The following ADARB2 variants were observed in gnomAD, a reference collection of about 807,000 sequenced individuals.
ADARB2 encodes the protein adenosine deaminase RNA specific B2 (inactive).
In ADARB2, 25 loss-of-function variants were observed where a neutral mutation model predicts 62.2. That is an observed-to-expected ratio of 0.40 (90% CI 0.29 to 0.56). The LOEUF (loss-of-function observed/expected upper bound fraction) is 0.56. ADARB2 is among the 20% of genes least tolerant of loss of function. ADARB2 has a pLI of 0.43. For missense variants in ADARB2, 1,071 were observed against 1,077.4 expected (o/e 0.99, Z 0.08); for synonymous variants, 572 against 500.8 (o/e 1.14, Z -1.90).
At chr10:1,263,455 C>T (rs1359374989) in intron 4 of ADARB2, among the ~76,000 whole-genome samples, 1 of 152,052 alleles carries the variant, frequency 6.6e-6, no homozygotes, top group Admixed American at 6.5e-5. Flanking sequence ...TCAAAGAGAC[C>T]AGAATAAAAT....
At chr10:1,186,847 G>A (rs980117006) in intron 8 of ADARB2, among the ~76,000 whole-genome samples, 24 of 152,332 alleles carry the variant, frequency 1.6e-4, no homozygotes, top group Middle Eastern at 3.4e-3. Context: ...GTGGGTTCCC[G>A]CCATAGCAGA....
chr10:1,726,361 A>AAT (rs1564205801), intron 1 of ADARB2, among the ~76,000 whole-genome samples: 2 of 151,924 alleles, frequency 1.3e-5, no homozygotes, highest in Non-Finnish European at 2.9e-5. Flanking sequence ...AAAGTTATCT[A>AAT]ATAAGATAAG....
intron 3 of ADARB2, among the ~76,000 whole-genome samples, chr10:1,309,025 A>C (rs892556599): frequency 2.0e-5 from 3 of 152,226 alleles, no homozygotes; most frequent in African/African-American, 7.2e-5. Flanking sequence ...TTTTTTTATA[A>C]AATTCAGTTC....
intron 1 of ADARB2, among the ~76,000 whole-genome samples, chr10:1,599,648 G>A (rs1833382343): frequency 6.6e-6 from 1 of 152,252 alleles, no homozygotes; most frequent in Non-Finnish European, 1.5e-5. Flanking sequence ...CAGAAAGACA[G>A]ATTGTGAAGT....
At position 1,467,393 on chromosome 10, in the gene ADARB2, C is replaced by T. The variant is rs148358196; in HGVS notation, c.101-88233G>A. Among the ~76,000 whole-genome samples, 19 of 152,286 alleles carry T rather than the reference C, an allele frequency of 1.2e-4. No homozygotes were observed. The South Asian group carries it at 1.9e-3, about 15-fold the overall frequency. On this transcript the variant is annotated intron_variant, in intron 1 of 9. Coordinates refer to ENST00000381312, the MANE Select transcript of ADARB2 (RefSeq NM_018702.4). Reference sequence around the variant, plus strand: ...AATTAAGCCACTGCACGGCTTCATGCGAAACCCTTCTCCCTCCCCATCTCC... The same window carrying T: ...AATTAAGCCACTGCACGGCTTCATGTGAAACCCTTCTCCCTCCCCATCTCC...
At chr10:1,274,107 T>C (rs1446396660) in intron 3 of ADARB2, among the ~76,000 whole-genome samples, 3 of 152,156 alleles carry the variant, frequency 2.0e-5, no homozygotes, top group Non-Finnish European at 2.9e-5. Context: ...TAGGAGAGCT[T>C]CCCTTTCTCA....
intron 1 of ADARB2, among the ~76,000 whole-genome samples, chr10:1,647,731 T>C (rs11596285): frequency 0.28 from 42,871 of 151,374 alleles, 7,137 homozygotes; most frequent in East Asian, 0.43. Flanking sequence ...TGTGCATGCA[T>C]ATGTGTATAT....
chr10:1,223,972 T>C (rs894390768), intron 6 of ADARB2, among the ~76,000 whole-genome samples: 2 of 152,188 alleles, frequency 1.3e-5, no homozygotes, highest in African/African-American at 4.8e-5. Flanking sequence ...CTTTTTCTAT[T>C]GATTGGAATA....
chr10:1,362,733 C>T (rs950461009), intron 3 of ADARB2, among the ~76,000 whole-genome samples: 4 of 152,210 alleles, frequency 2.6e-5, no homozygotes, highest in African/African-American at 4.8e-5. Context: ...CAGTCACGGA[C>T]GAAACCTGGC....
chr10:1,286,022 C>T (rs1040039013), intron 3 of ADARB2, among the ~76,000 whole-genome samples: 7 of 141,836 alleles, frequency 4.9e-5, no homozygotes, highest in South Asian at 2.4e-4. Flanking sequence ...ACCGTTGCCC[C>T]GAGTCCCCAG....
At chr10:1,624,613 T>C (rs566091265) in intron 1 of ADARB2, among the ~76,000 whole-genome samples, 3 of 152,244 alleles carry the variant, frequency 2.0e-5, no homozygotes, top group Non-Finnish European at 2.9e-5. Context: ...GAAAATAACA[T>C]TGATGGATAT....
chr10:1,262,872 G>T (rs1372081861), intron 4 of ADARB2, among the ~76,000 whole-genome samples: 1 of 152,040 alleles, frequency 6.6e-6, no homozygotes, highest in Non-Finnish European at 1.5e-5. Flanking sequence ...CAAAGACTTG[G>T]AACCAAGCCA....
At chr10:1,572,939 T>C (rs1832960070) in intron 1 of ADARB2, among the ~76,000 whole-genome samples, 1 of 152,226 alleles carries the variant, frequency 6.6e-6, no homozygotes, top group Non-Finnish European at 1.5e-5. Flanking sequence ...GCAGGTCTTT[T>C]CCTGCAGCGG....
chr10:1,320,988 A>G (rs1261361257), intron 3 of ADARB2, among the ~76,000 whole-genome samples: 1 of 152,194 alleles, frequency 6.6e-6, no homozygotes, highest in Non-Finnish European at 1.5e-5. Context: ...GTGGGAACAT[A>G]TTTTACTGTG....
chr10:1,518,548 T>C (rs11250578), intron 1 of ADARB2, among the ~76,000 whole-genome samples: 63,434 of 152,060 alleles, frequency 0.42, 13,386 homozygotes, highest in African/African-American at 0.45. Context: ...CGCCTGCATT[T>C]CGTGTAATGT....
chr10:1,303,789 A>G (rs956437351), intron 3 of ADARB2, among the ~76,000 whole-genome samples: 1 of 152,172 alleles, frequency 6.6e-6, no homozygotes. Context: ...TCATAAGTGA[A>G]GGAGAAATAA....
At chr10:1,299,928 C>T (rs1466007907) in intron 3 of ADARB2, among the ~76,000 whole-genome samples, 10 of 152,298 alleles carry the variant, frequency 6.6e-5, no homozygotes, top group East Asian at 3.9e-4. Context: ...ATTGTCCTAA[C>T]GGCCACTTCA....
intron 1 of ADARB2, among the ~76,000 whole-genome samples, chr10:1,698,732 G>A (rs906250066): frequency 2.0e-5 from 3 of 151,792 alleles, no homozygotes; most frequent in Non-Finnish European, 4.4e-5. Flanking sequence ...GGTAGAAAGA[G>A]TTGAAGGGGC....
At chr10:1,651,705 C>T (rs893786481) in intron 1 of ADARB2, among the ~76,000 whole-genome samples, 3 of 152,044 alleles carry the variant, frequency 2.0e-5, no homozygotes, top group East Asian at 1.9e-4. Context: ...CAGCAGACAG[C>T]GAAGCGGGGC....
Sources: allele counts gnomAD v4.1 joint callset (sites outside exome capture counted in the v4.1 genomes callset), GRCh38; gene constraint gnomAD v4.1.1; transcripts MANE v1.5; gene names NCBI Gene and HGNC (gene_info 2026-07-23, HGNC 2026-07-21).